CASP6: variants seen among roughly 807,000 people sequenced by gnomAD.
The protein encoded by CASP6 is caspase 6.
Under a neutral mutation model 31.8 loss-of-function variants are expected in CASP6, and 20 were observed. The observed-to-expected ratio is 0.63, with a 90% CI of 0.44 to 0.91. The LOEUF is 0.91. Ranked by LOEUF, CASP6 falls within the 40% of genes least tolerant of loss-of-function variation. The pLI is 0.00. For synonymous variants in CASP6, 130 were observed against 127.8 expected, an observed-to-expected ratio of 1.02 and a Z score of -0.12; for missense variants, 328 against 361.1, an observed-to-expected ratio of 0.91 and a Z score of 0.74.
intron 6 of CASP6, 22 bp from the exon 7 acceptor site, chr4:109,689,590 T>C: frequency 6.2e-7 from 1 of 1,603,838 alleles, no homozygotes; most frequent in Non-Finnish European, 8.5e-7. Context: ...AGAAGGAAAA[T>C]GTTGCTGCAG....
chr4:109,693,484 T>TC (rs1292137262), intron 5 of CASP6, among the ~76,000 whole-genome samples: 1 of 152,024 alleles, frequency 6.6e-6, no homozygotes, highest in African/African-American at 2.4e-5. Flanking sequence ...GGTCAGGAGT[T>TC]CAAGACCACA....
chr4:109,668,450 C>T, the CASP6 span, among the ~76,000 whole-genome samples: 2 of 151,986 alleles, frequency 1.3e-5, no homozygotes, highest in Admixed American at 1.3e-4. Context: ...ATTAATATAG[C>T]TATTTCAGCT....
At chr4:109,691,177 G>T (rs1392532643) in intron 5 of CASP6, among the ~76,000 whole-genome samples, 168 bp from the exon 6 acceptor site, 1 of 152,194 alleles carries the variant, frequency 6.6e-6, no homozygotes, top group East Asian at 1.9e-4. Context: ...AGCCAACAAA[G>T]TTGTTTCCTT....
chr4:109,706,154 T>TATATATATATATATAC (rs1730611036), upstream of CASP6, among the ~76,000 whole-genome samples: 5 of 90,984 alleles, frequency 5.5e-5, no homozygotes, highest in African/African-American at 3.3e-4. Context: ...TATATATATA[T>TATATATATATATATAC]ATATATATAT....
chr4:109,682,517 A>G, the CASP6 span: 1 of 1,369,700 alleles, frequency 7.3e-7, no homozygotes, highest in Non-Finnish European at 1.0e-6. Context: ...TTGGGGACCG[A>G]AAGATTTACA....
chr4:109,690,314 T>C (rs892650117), intron 6 of CASP6, among the ~76,000 whole-genome samples: 1 of 149,518 alleles, frequency 6.7e-6, no homozygotes, highest in East Asian at 2.0e-4. Context: ...GGCTGGAGGA[T>C]TGTTTGAGAC....
chr4:109,698,428 C>A, intron 1 of CASP6, 86 bp from the exon 2 acceptor site: 1 of 1,163,998 alleles, frequency 8.6e-7, no homozygotes, highest in Non-Finnish European at 1.2e-6. Context: ...TTCTGACTCC[C>A]AAACTCTTAA....
At chr4:109,681,785 C>T in the CASP6 span, among the ~76,000 whole-genome samples, 1 of 152,190 alleles carries the variant, frequency 6.6e-6, no homozygotes, top group Non-Finnish European at 1.5e-5. Context: ...AAGTCAGCAG[C>T]GAGTCTGCTA....
chr4:109,699,609 C>G (rs1730356437), intron 1 of CASP6, among the ~76,000 whole-genome samples: 1 of 152,180 alleles, frequency 6.6e-6, no homozygotes, highest in South Asian at 2.1e-4. Context: ...CTAACTGAGG[C>G]AGAATCAGAA....
rs1579104535 is a variant in CASP6, at chr4:109,689,460, A to G, written c.752T>C (p.Leu251Pro). The change falls in exon 7 of 7, where the codon CTG (leucine) becomes CCG (proline). Residue 251 changes from leucine to proline, a missense_variant. Leu to Pro is a moderately conservative substitution (Grantham distance 98). Transcript: ENST00000265164. ...SSLEFTELLT[L>P]VNRKVSQRRV... ...GCGCTGAGAAACTTTCCTGTTCACC[A>G]GTGTGAGGAGTTCTGTGAACTCTAA... 1.2e-6 allele frequency: 2 copies of G among 1,614,224 alleles called. No individual in the cohort carries two copies. The highest frequency in any genetic ancestry group is 1.7e-6 in the Non-Finnish European group (2 of 1,180,036).
At chr4:109,681,828 G>GAA in the CASP6 span, among the ~76,000 whole-genome samples, 4 of 152,250 alleles carry the variant, frequency 2.6e-5, no homozygotes, top group African/African-American at 9.6e-5. Flanking sequence ...GACAGTGAGC[G>GAA]AAAGCTCAGC....
intron 1 of CASP6, among the ~76,000 whole-genome samples, chr4:109,700,740 C>A (rs531927990): frequency 6.6e-6 from 1 of 152,268 alleles, no homozygotes; most frequent in Admixed American, 6.5e-5. Context: ...CAGTTAATGA[C>A]CAGGTCCAGT....
the CASP6 span, among the ~76,000 whole-genome samples, chr4:109,708,689 T>A: frequency 6.6e-6 from 1 of 152,020 alleles, no homozygotes; most frequent in Non-Finnish European, 1.5e-5. Context: ...GAATTTGTCA[T>A]TTTTTCTCCA....
chr4:109,695,692 G>A lies in CASP6; in HGVS notation c.307+718C>T, dbSNP rs2126158778. On this transcript the variant is annotated intron_variant, in intron 4 of 6. Transcript: ENST00000265164. ...GGAGGTGGAGGCTGCAGTGAGCTGA[G>A]ATCACACCACTGCACTCCAGCCTGG... Among the ~76,000 whole-genome samples, 4 of 146,882 alleles carry A rather than the reference G, an allele frequency of 2.7e-5. No homozygotes were observed. In the Admixed American group the frequency reaches 2.8e-4, roughly 10 times the overall value.
At chr4:109,706,168 T>TACACATAC (rs1554022991), upstream of CASP6, among the ~76,000 whole-genome samples, 1 of 92,490 alleles carries the variant, frequency 1.1e-5, no homozygotes, top group South Asian at 3.2e-4. Context: ...TATATATATA[T>TACACATAC]ATACACACAC....
At chr4:109,691,511 C>T (rs1304982139) in intron 5 of CASP6, among the ~76,000 whole-genome samples, 2 of 152,006 alleles carry the variant, frequency 1.3e-5, no homozygotes, top group Non-Finnish European at 2.9e-5. Context: ...CCTTGTGTGC[C>T]CATTAAAAAG....
At chr4:109,704,958 G>C (rs1730552417), upstream of CASP6, among the ~76,000 whole-genome samples, 1 of 152,120 alleles carries the variant, frequency 6.6e-6, no homozygotes, top group African/African-American at 2.4e-5. Flanking sequence ...GCCCGCCTCG[G>C]TCTCCCAAAG....
chr4:109,678,072 G>A, the CASP6 span, among the ~76,000 whole-genome samples: 757 of 151,926 alleles, frequency 5.0e-3, 3 homozygotes, highest in African/African-American at 0.017. Context: ...ATCTTGCACC[G>A]CCCTTAATCC....
chr4:109,679,737 C>G, the CASP6 span, among the ~76,000 whole-genome samples: 1 of 152,206 alleles, frequency 6.6e-6, no homozygotes, highest in Non-Finnish European at 1.5e-5. Context: ...CAAGCAGTTA[C>G]TTTAGAAAGC....
Sources: gnomAD v4.1 joint callset for allele counts (sites outside exome capture counted in the v4.1 genomes callset) on GRCh38, gnomAD v4.1.1 for gene constraint, MANE v1.5 for transcripts, NCBI Gene and HGNC (gene_info 2026-07-23, HGNC 2026-07-21) for gene names.